CNBD1: variants seen among roughly 807,000 people sequenced by gnomAD.
The protein encoded by CNBD1 is cyclic nucleotide binding domain containing 1.
A neutral mutation model predicts 54.4 loss-of-function variants in CNBD1; 71 were observed. That is an observed-to-expected ratio of 1.30 (90% CI 1.08 to 1.59). The LOEUF is 1.59. Among genes scored for constraint, CNBD1 ranks in the 40% most tolerant of loss-of-function variants. The pLI is 0.00. For missense variants in CNBD1, 659 were observed against 518.0 expected (o/e 1.27, Z -2.64); for synonymous variants, 182 against 170.7 (o/e 1.07, Z -0.51).
chr8:87,237,063 T>C lies in CNBD1; in HGVS notation c.722T>C (p.Phe241Ser), dbSNP rs781442977. The C allele has an allele frequency of 6.2e-7, 1 of 1,612,202 alleles. No individual in the cohort carries two copies. Among genetic ancestry groups the C allele is most frequent in the South Asian group, 1.1e-5 (1 of 90,934 alleles). ...CACAGCTTCATTTGGAGTGAAGAAT[T>C]CAAAAACTCTACACTTGCTGAGATG... Reference protein sequence around the residue: ...SFHSFIWSEEFKNSTLAEMYL... With the variant: ...SFHSFIWSEESKNSTLAEMYL... Residue 241 changes from phenylalanine to serine, a missense_variant, in exon 6 of 11, where the codon TTC becomes TCC. Phe to Ser is a radical substitution (Grantham distance 155, BLOSUM62 -2). Transcript: ENST00000518476.
At chr8:87,263,538 G>A (rs539537177) in intron 6 of CNBD1, among the ~76,000 whole-genome samples, 4 of 148,768 alleles carry the variant, frequency 2.7e-5, no homozygotes, top group Non-Finnish European at 5.9e-5. Flanking sequence ...GTAAAATTAG[G>A]TAAGTAATTG....
chr8:87,362,898 A>G (rs956447464), intron 10 of CNBD1, among the ~76,000 whole-genome samples: 1 of 152,002 alleles, frequency 6.6e-6, no homozygotes, highest in South Asian at 2.1e-4. Context: ...CTTTAAGTTA[A>G]GAACGTGCAG....
At chr8:87,002,454 C>G (rs1809011915) in intron 4 of CNBD1, among the ~76,000 whole-genome samples, 1 of 152,146 alleles carries the variant, frequency 6.6e-6, no homozygotes, top group South Asian at 2.1e-4. Context: ...TTTTCCCTCC[C>G]ACATGACTTC....
At chr8:87,162,112 A>T (rs1812869695) in intron 4 of CNBD1, among the ~76,000 whole-genome samples, 2 of 152,110 alleles carry the variant, frequency 1.3e-5, no homozygotes, top group Admixed American at 6.6e-5. Context: ...TTTCTAAAAC[A>T]TAATCTTAGA....
chr8:87,393,606 A>G (rs1811354844), intron 2 of CNBD1, among the ~76,000 whole-genome samples: 3 of 151,892 alleles, frequency 2.0e-5, no homozygotes, highest in African/African-American at 4.8e-5. Flanking sequence ...GAAAATAAAA[A>G]GTAAGTGACA....
intron 4 of CNBD1, among the ~76,000 whole-genome samples, chr8:87,081,447 G>A (rs1371130448): frequency 6.6e-6 from 1 of 150,772 alleles, no homozygotes; most frequent in Non-Finnish European, 1.5e-5. Context: ...TGTACCATGT[G>A]CATTTGAAAA....
Position 87,195,330 on chromosome 8 carries a change from G to C in CNBD1, c.432-10663G>C, listed in dbSNP as rs943064296. Among the ~76,000 whole-genome samples the C allele has an allele frequency of 3.3e-5, 5 of 150,118 alleles. No individual in the cohort carries two copies. In the East Asian group the frequency reaches 9.8e-4, roughly 29 times the overall value. ...TGCAACCTCCACCTCCCAGGTTCGAGTGATTCTTCTGCCTCAGCCTCCCAA... is the reference window on the plus strand; with the variant it reads ...TGCAACCTCCACCTCCCAGGTTCGACTGATTCTTCTGCCTCAGCCTCCCAA... On this transcript the variant is annotated intron_variant, in intron 4 of 10. Transcript: ENST00000518476.
intron 8 of CNBD1, among the ~76,000 whole-genome samples, chr8:87,315,359 C>G (rs1563548746): frequency 6.6e-6 from 1 of 151,888 alleles, no homozygotes; most frequent in Non-Finnish European, 1.5e-5. Context: ...ATACTTGAAG[C>G]TAGGTAATTT....
At chr8:87,274,720 G>A (rs1308224235) in intron 6 of CNBD1, among the ~76,000 whole-genome samples, 1 of 133,456 alleles carries the variant, frequency 7.5e-6, no homozygotes, top group Non-Finnish European at 1.6e-5. Flanking sequence ...TCTGTAGGTT[G>A]CCTGTTCACT....
chr8:87,366,460 G>T (rs539341321), intron 10 of CNBD1, among the ~76,000 whole-genome samples: 3 of 151,886 alleles, frequency 2.0e-5, no homozygotes, highest in East Asian at 1.9e-4. Flanking sequence ...CCTCTCTCTC[G>T]TTTTGAATCT....
chr8:87,266,864 A>G (rs1324507822), intron 6 of CNBD1, among the ~76,000 whole-genome samples: 1 of 152,256 alleles, frequency 6.6e-6, no homozygotes, highest in Admixed American at 6.5e-5. Context: ...CTGCATGCCT[A>G]CTTTACACCA....
intron 4 of CNBD1, among the ~76,000 whole-genome samples, chr8:87,145,249 C>T (rs963539569): frequency 6.6e-6 from 1 of 152,014 alleles, no homozygotes; most frequent in African/African-American, 2.4e-5. Context: ...GAGTGGATAG[C>T]TTAAGAGTAA....
At chr8:87,152,378 GGAA>G (rs922596064) in intron 4 of CNBD1, among the ~76,000 whole-genome samples, 2 of 150,932 alleles carry the variant, frequency 1.3e-5, no homozygotes, top group Admixed American at 1.3e-4. Context: ...GGGCCACATT[GGAA>G]GAAGAATTGT....
At chr8:87,399,983 A>G (rs1807521581) in intron 2 of CNBD1, among the ~76,000 whole-genome samples, 1 of 151,914 alleles carries the variant, frequency 6.6e-6, no homozygotes, top group Non-Finnish European at 1.5e-5. Flanking sequence ...AGACCACTGG[A>G]AAGGGAAACA....
intron 4 of CNBD1, among the ~76,000 whole-genome samples, chr8:87,135,434 G>A (rs1292625701): frequency 6.6e-6 from 1 of 151,056 alleles, no homozygotes; most frequent in Non-Finnish European, 1.5e-5. Context: ...TATTGCTTTA[G>A]CAAATGTCAT....
intron 8 of CNBD1, among the ~76,000 whole-genome samples, chr8:87,328,982 A>G (rs1044647057): frequency 6.6e-6 from 1 of 152,068 alleles, no homozygotes; most frequent in African/African-American, 2.4e-5. Flanking sequence ...AAGGCCATCT[A>G]GATTTTCTAT....
At position 87,158,860 on chromosome 8, in the gene CNBD1, T is replaced by C. The variant is rs1030998608; in HGVS notation, c.432-47133T>C. On this transcript the variant is annotated intron_variant, in intron 4 of 10. Coordinates refer to ENST00000518476, the MANE Select transcript of CNBD1 (RefSeq NM_173538.3). ...AGAACTAAAACAGAACCATTTTTAA[T>C]GCACACTTTTTATTGTTAATGCAAG... 5.4e-4 allele frequency among the ~76,000 whole-genome samples: 82 copies of C among 152,322 alleles called. 1 individual carries two copies. Among genetic ancestry groups the C allele is most frequent in the African/African-American group, 2.0e-3 (82 of 41,588 alleles).
intron 6 of CNBD1, among the ~76,000 whole-genome samples, chr8:87,276,182 T>C (rs577262078): frequency 2.0e-5 from 3 of 152,032 alleles, no homozygotes; most frequent in African/African-American, 7.2e-5. Context: ...GTTGGCTTGC[T>C]TATCACCTAC....
chr8:87,310,447 G>C (rs541734160), intron 8 of CNBD1, among the ~76,000 whole-genome samples: 18 of 152,020 alleles, frequency 1.2e-4, no homozygotes, highest in African/African-American at 3.1e-4. Flanking sequence ...ACCTCTATAA[G>C]GAAAACTACA....
Sources: allele counts gnomAD v4.1 joint callset (sites outside exome capture counted in the v4.1 genomes callset), GRCh38; gene constraint gnomAD v4.1.1; transcripts MANE v1.5; gene names NCBI Gene and HGNC (gene_info 2026-07-23, HGNC 2026-07-21).